Variants in B3GAT1 observed in about 807,000 individuals in gnomAD.
B3GAT1 encodes beta-1,3-glucuronyltransferase 1, also known as galactosylgalactosylxylosylprotein 3-beta-glucuronosyltransferase 1.
In B3GAT1, 11 loss-of-function variants were observed where a neutral mutation model predicts 28.4. That is an observed-to-expected ratio of 0.39 (90% CI 0.24 to 0.64). The LOEUF is 0.64. Among genes scored for constraint, B3GAT1 ranks in the 30% least tolerant of loss-of-function variants. The probability of loss-of-function intolerance (pLI) is 0.50; values close to 1 mark genes in which losing one functional copy is unlikely to be tolerated. For missense variants in B3GAT1, 375 were observed against 491.0 expected, an observed-to-expected ratio of 0.76 and a Z score of 2.23; for synonymous variants, 255 against 223.1, an observed-to-expected ratio of 1.14 and a Z score of -1.27.
intron 1 of B3GAT1, among the ~76,000 whole-genome samples, chr11:134,397,485 C>G (rs542094755): frequency 6.6e-6 from 1 of 152,230 alleles, no homozygotes; most frequent in Non-Finnish European, 1.5e-5. Flanking sequence ...TGGTGAGATG[C>G]AACGTGGCCC....
At position 134,393,085 on chromosome 11, in the gene B3GAT1, A is replaced by G. The variant is rs1944442838; in HGVS notation, c.-281-5145T>C. ...ACGCAAAATGTTCCCAAAGGCCTGC[A>G]TGCGTGTGCGTGGTAGGTTACAAAC... On this transcript the variant is annotated intron_variant, in intron 1 of 5. Coordinates refer to ENST00000312527, the MANE Select transcript of B3GAT1 (RefSeq NM_054025.3). This position sits in a 1 kb window ranked among gnomAD's most constrained non-coding sequence, Gnocchi z 4.0. 2.0e-5 allele frequency among the ~76,000 whole-genome samples: 3 copies of G among 152,192 alleles called. No homozygotes were observed. Among genetic ancestry groups the G allele is most frequent in the South Asian group, 4.1e-4 (2 of 4,826 alleles).
chr11:134,397,950 G>C (rs1297304328), intron 1 of B3GAT1, among the ~76,000 whole-genome samples: 2 of 152,162 alleles, frequency 1.3e-5, no homozygotes, highest in African/African-American at 4.8e-5. Context: ...TGAGGCTGAT[G>C]ATTTGGGGAG....
chr11:134,411,173 G>T lies in B3GAT1; in HGVS notation c.-282+634C>A, dbSNP rs1944846223. Among the ~76,000 whole-genome samples, 5 of 152,188 alleles carry T rather than the reference G, an allele frequency of 3.3e-5. No individual in the cohort carries two copies. The highest frequency in any genetic ancestry group is 3.3e-4 in the Admixed American group (5 of 15,290). ...AACTCTCAGCCTCCTTTTTCTGGAA[G>T]TTGTGTGCTCTGACTTTGGAGGGAT... On this transcript the variant is annotated intron_variant, in intron 1 of 5. Transcript: ENST00000312527. This position sits in a 1 kb window ranked among gnomAD's most constrained non-coding sequence, Gnocchi z 6.0.
rs150095434 is a variant in B3GAT1, at chr11:134,382,899, C to A, written c.729G>T (p.Thr243=). Reference sequence around the variant, plus strand: ...CAAATGGCCGGTGGGGGTCAAACACCGTCTTCCAGCCGACCACCTTCCCTG... The same window carrying A: ...CAAATGGCCGGTGGGGGTCAAACACAGTCTTCCAGCCGACCACCTTCCCTG... ...NGAGKVVGWK[T]VFDPHRPFAI... Residue 243 remains threonine, a synonymous_variant, in exon 4 of 6, where the codon ACG becomes ACT. Coordinates refer to ENST00000312527, the MANE Select transcript of B3GAT1 (RefSeq NM_054025.3). 253 of 1,613,624 alleles carry A rather than the reference C, an allele frequency of 1.6e-4. No homozygotes were observed. The highest frequency in any genetic ancestry group is 2.0e-4 in the Non-Finnish European group (238 of 1,179,856).
chr11:134,381,588 G>T, intron 5 of B3GAT1: 2 of 264,454 alleles, frequency 7.6e-6, no homozygotes, highest in Non-Finnish European at 7.4e-6. Flanking sequence ...AGGCAGACTT[G>T]GGGGGACAGA....
intron 1 of B3GAT1, chr11:134,390,218 G>A (rs1352990881): frequency 2.0e-5 from 3 of 152,296 alleles, no homozygotes; most frequent in Non-Finnish European, 2.9e-5. Flanking sequence ...TGAGATGCAA[G>A]TGACTTCATG....
At position 134,400,171 on chromosome 11, in the gene B3GAT1, C is replaced by A. The variant is rs186744116; in HGVS notation, c.-282+11636G>T. ...GAAGCCTTCCCTGGCCCTGCCCCTGCCCCGATCTGCTCACTCAAGGTGCAC... is the reference window on the plus strand; with the variant it reads ...GAAGCCTTCCCTGGCCCTGCCCCTGACCCGATCTGCTCACTCAAGGTGCAC... On this transcript the variant is annotated intron_variant, in intron 1 of 5. Transcript: ENST00000312527. 2.7e-3 allele frequency among the ~76,000 whole-genome samples: 413 copies of A among 152,240 alleles called. 4 individuals are homozygous for A. The highest frequency in any genetic ancestry group is 8.9e-3 in the African/African-American group (371 of 41,538).
In B3GAT1 at chr11:134,383,734, G is replaced by A. The variant is rs1944196274; in HGVS notation, c.567C>T (p.Gly189=). The change falls in exon 3 of 6, where the codon GGC becomes GGT. Residue 189 remains glycine (G), a synonymous_variant. Transcript: ENST00000312527. ...ETFPRNSSQP[G]VVYFADDDNT... Reference sequence around the variant, plus strand: ...TGTCGTCGTCGGCGAAGTAGACCACGCCAGGCTGGCTGGAGTTGCGCGGGA... The same window carrying A: ...TGTCGTCGTCGGCGAAGTAGACCACACCAGGCTGGCTGGAGTTGCGCGGGA... The A allele has an allele frequency of 5.6e-6, 9 of 1,594,326 alleles. No individual in the cohort carries two copies. The highest frequency in any genetic ancestry group is 7.7e-6 in the Non-Finnish European group (9 of 1,167,684).
chr11:134,402,492 C>G (rs1431494247), intron 1 of B3GAT1, among the ~76,000 whole-genome samples: 1 of 152,126 alleles, frequency 6.6e-6, no homozygotes, highest in Non-Finnish European at 1.5e-5. Context: ...GAGAACTTTC[C>G]TTTCACCACC....
Position 134,381,797 on chromosome 11 carries a change from C to A in B3GAT1, c.*14+127G>T, listed in dbSNP as rs867469193. On this transcript the variant is annotated intron_variant, in intron 5 of 5. Coordinates refer to ENST00000312527, the MANE Select transcript of B3GAT1 (RefSeq NM_054025.3). The stretch of plus-strand genomic sequence containing the variant: ...AAGGGGACTGTGGTGACGACGCCCT[C>A]CACTCCTGCCCACATCTGCCCTGTC... The A allele has an allele frequency of 9.5e-6, 7 of 733,204 alleles. No individual in the cohort carries two copies. The South Asian group carries it at 1.0e-4, about 11-fold the overall frequency. The allele number at this position is 733,204 out of a possible 1,614,324, so 45.4% of individuals were successfully genotyped here. A position where few individuals can be genotyped will look rare whatever the true frequency, so the allele number is the denominator to read the frequency against.
Position 134,384,150 on chromosome 11 carries a change from C to A in B3GAT1, c.151G>T (p.Ala51Ser). The change falls in exon 3 of 6, where the codon GCC becomes TCC. Residue 51 changes from alanine (A) to serine (S), a missense_variant. Ala to Ser is a moderately conservative substitution (Grantham distance 99, BLOSUM62 1). Coordinates refer to ENST00000312527, the MANE Select transcript of B3GAT1 (RefSeq NM_054025.3). ...GACGTGCAGTACTCCCTGGGGTCGG[C>A]GCCGGGCGGCGTTTCGCGTCGGGGG... ...SDPRRETPPG[A>S]DPREYCTSDR... The A allele has an allele frequency of 6.4e-7, 1 of 1,560,256 alleles. No homozygotes were observed. Among genetic ancestry groups the A allele is most frequent in the Non-Finnish European group, 8.7e-7 (1 of 1,152,808 alleles).
chr11:134,391,183 G>A (rs999547158), intron 1 of B3GAT1: 4 of 152,198 alleles, frequency 2.6e-5, no homozygotes, highest in African/African-American at 9.7e-5. Context: ...AGCCATTATG[G>A]CTTGAAAACC....
chr11:134,383,907 G>A lies in B3GAT1; in HGVS notation c.394C>T (p.Arg132Cys), dbSNP rs766176210. 1.9e-6 allele frequency: 3 copies of A among 1,595,494 alleles called. No homozygotes were observed. The highest frequency in any genetic ancestry group is 2.6e-6 in the Non-Finnish European group (3 of 1,175,562). ...DAPRRTPLTA[R>C]LLRDTGLNYT... ...TTGAGGCCGGTGTCGCGCAGCAGGC[G>A]CGCGGTCAGCGGCGTCCGGCGCGGC... The change falls in exon 3 of 6, where the codon CGC becomes TGC. Residue 132 changes from arginine to cysteine, a missense_variant. Transcript: ENST00000312527.
At chr11:134,401,382 T>C (rs1467232608) in intron 1 of B3GAT1, among the ~76,000 whole-genome samples, 3 of 152,220 alleles carry the variant, frequency 2.0e-5, no homozygotes, top group Non-Finnish European at 4.4e-5. Flanking sequence ...ACATACACCA[T>C]GGAATACTAC....
chr11:134,403,126 G>C (rs1439234098), intron 1 of B3GAT1, among the ~76,000 whole-genome samples: 6 of 152,066 alleles, frequency 3.9e-5, no homozygotes, highest in African/African-American at 1.4e-4. Context: ...CACCAGGGCG[G>C]CTACGGATCC....
intron 4 of B3GAT1, among the ~76,000 whole-genome samples, 185 bp from the exon 5 acceptor site, chr11:134,382,209 C>G (rs913853061): frequency 1.3e-5 from 2 of 152,162 alleles, no homozygotes; most frequent in African/African-American, 4.8e-5. Flanking sequence ...CTCGACTACC[C>G]CCTCATTTTT....
At chr11:134,396,164 G>T (rs143325564) in intron 1 of B3GAT1, among the ~76,000 whole-genome samples, 11 of 152,340 alleles carry the variant, frequency 7.2e-5, no homozygotes, top group African/African-American at 2.6e-4. Context: ...CAATGCTTTT[G>T]CACAGTCTGC....
intron 3 of B3GAT1, 37 bp downstream of exon 3, chr11:134,383,643 C>A (rs753880896): frequency 7.3e-6 from 11 of 1,497,680 alleles, no homozygotes; most frequent in Non-Finnish European, 9.8e-6. Flanking sequence ...TCCCCGCAGC[C>A]GGAGGTCCCG....
Position 134,410,555 on chromosome 11 carries a change from G to T in B3GAT1, c.-282+1252C>A, listed in dbSNP as rs1249264817. ...GGAAAGGGTCTTCACCCCATGGGAA[G>T]AAAGGGAAGGCTTGATGTTTGGTCC... On this transcript the variant is annotated intron_variant, in intron 1 of 5. Coordinates refer to ENST00000312527, the MANE Select transcript of B3GAT1 (RefSeq NM_054025.3). 4.6e-5 allele frequency among the ~76,000 whole-genome samples: 7 copies of T among 152,342 alleles called. No homozygotes were observed. The East Asian group carries it at 1.4e-3, about 29-fold the overall frequency.
Sources: allele counts gnomAD v4.1 joint callset (sites outside exome capture counted in the v4.1 genomes callset), GRCh38; gene constraint gnomAD v4.1.1; non-coding constraint Gnocchi (gnomAD v3.1); transcripts MANE v1.5; gene names NCBI Gene and HGNC (gene_info 2026-07-23, HGNC 2026-07-21).